GSAP: variants seen among roughly 807,000 people sequenced by gnomAD.
The protein encoded by GSAP is gamma-secretase-activating protein.
GSAP carries 118 observed loss-of-function variants against 131.7 expected under a neutral mutation model. The ratio of observed to expected loss-of-function variants is 0.90; its 90% CI spans 0.77 to 1.04. The LOEUF is 1.04. Ranked by LOEUF, GSAP falls within the 50% of genes least tolerant of loss-of-function variation. The pLI, the probability that GSAP is intolerant of heterozygous loss-of-function variation, is 0.00. For synonymous variants in GSAP, 381 were observed against 363.4 expected (o/e 1.05, Z -0.55); for missense variants, 1,019 against 1,013.2 (o/e 1.01, Z -0.08).
Position 77,341,550 on chromosome 7 carries a change from C to T in GSAP, c.1545+7801G>A, listed in dbSNP as rs979420226. ...AGGTTAATGCTCCTTTTTCTTTATC[C>T]GACCTCTCCCAAATCAGTTAGTGTT... On this transcript the variant is annotated intron_variant, in intron 19 of 30. Coordinates refer to ENST00000257626, the MANE Select transcript of GSAP (RefSeq NM_017439.4). Among the ~76,000 whole-genome samples, 7 of 152,094 alleles carry T rather than the reference C, an allele frequency of 4.6e-5. No individual in the cohort carries two copies. The East Asian group carries it at 7.7e-4, about 17-fold the overall frequency.
intron 19 of GSAP, among the ~76,000 whole-genome samples, chr7:77,343,300 GC>G (rs1392461691): frequency 2.0e-5 from 3 of 152,006 alleles, no homozygotes; most frequent in Non-Finnish European, 2.9e-5. Context: ...TATACTTTCT[GC>G]CCCCCTCCAC....
intron 5 of GSAP, 129 bp downstream of exon 5, chr7:77,396,853 T>G: frequency 1.8e-6 from 1 of 548,560 alleles, no homozygotes; most frequent in Non-Finnish European, 3.1e-6. Context: ...TGACATGACC[T>G]TTGCCTTTTA....
intron 5 of GSAP, among the ~76,000 whole-genome samples, chr7:77,395,171 A>T (rs1397490958): frequency 1.7e-5 from 2 of 118,592 alleles, no homozygotes; most frequent in African/African-American, 7.1e-5. Flanking sequence ...GGTGAACAAT[A>T]GACAGATGTA....
At chr7:77,392,218 T>A (rs1799667532) in intron 5 of GSAP, among the ~76,000 whole-genome samples, 1 of 143,390 alleles carries the variant, frequency 7.0e-6, no homozygotes, top group African/African-American at 2.7e-5. Context: ...CAAGACTCCA[T>A]CTCAGGAAAA....
rs375595494 is a variant in GSAP, at chr7:77,402,616, A to AT, written c.243+1942_243+1943insA. On this transcript the variant is annotated intron_variant, in intron 3 of 30. Transcript: ENST00000257626. ...CTCAAAAAAAAAAAAAAAAAAAAAA[A>AT]GAATTTTAAAGCCCATCTAGATTTG... is the stretch of plus-strand genomic sequence containing the variant. Among the ~76,000 whole-genome samples, 198 of 80,506 alleles carry AT rather than the reference A, an allele frequency of 2.5e-3. 30 individuals carry two copies. Among genetic ancestry groups the AT allele is most frequent in the East Asian group, 0.011 (29 of 2,654 alleles). 52.8% of individuals were successfully genotyped at this position (80,506 alleles called of 152,430 possible). A position where few individuals can be genotyped will look rare whatever the true frequency, so the allele number is the denominator to read the frequency against.
At chr7:77,371,433 T>TTTC in intron 12 of GSAP, among the ~76,000 whole-genome samples, 2 of 2,528 alleles carry the variant, frequency 7.9e-4, no homozygotes, top group African/African-American at 0.031. Context: ...TCTTTTTTCT[T>TTTC]TTTTTTTTTT....
At chr7:77,367,617 G>A (rs1238034740) in intron 12 of GSAP, among the ~76,000 whole-genome samples, 1 of 152,142 alleles carries the variant, frequency 6.6e-6, no homozygotes, top group Admixed American at 6.5e-5. Flanking sequence ...GTATTTTGAT[G>A]ATTTTTGCAT....
intron 19 of GSAP, among the ~76,000 whole-genome samples, chr7:77,337,675 C>T (rs577397705): frequency 6.6e-6 from 1 of 152,294 alleles, no homozygotes; most frequent in African/African-American, 2.4e-5. Flanking sequence ...AGGTAATCAA[C>T]AATCTCTAAC....
chr7:77,375,105 T>C lies in GSAP; in HGVS notation c.742-4A>G, dbSNP rs1796660579. 1.3e-6 allele frequency: 2 copies of C among 1,546,788 alleles called. No homozygotes were observed. Among genetic ancestry groups the C allele is most frequent in the South Asian group, 1.2e-5 (1 of 86,536 alleles). On this transcript the variant is annotated splice_polypyrimidine_tract_variant and splice_region_variant and intron_variant, in intron 10 of 30. Transcript: ENST00000257626. ...ATATGTCCAAGGGTACTTCAAACTG[T>C]CAAAAAAATCAAAGAAAATGAACCC...
intron 14 of GSAP, among the ~76,000 whole-genome samples, chr7:77,359,090 G>A (rs1422738468): frequency 6.6e-6 from 1 of 152,114 alleles, no homozygotes; most frequent in African/African-American, 2.4e-5. Flanking sequence ...GGGAGGCTGA[G>A]GCAGAGGTGG....
intron 5 of GSAP, among the ~76,000 whole-genome samples, chr7:77,395,566 T>C (rs761140314): frequency 6.6e-5 from 10 of 151,438 alleles, no homozygotes; most frequent in Non-Finnish European, 1.5e-4. Context: ...ACGGAAGGGG[T>C]TGTTCTCAGT....
At chr7:77,406,745 G>A (rs1225758397) in intron 1 of GSAP, among the ~76,000 whole-genome samples, 2 of 152,250 alleles carry the variant, frequency 1.3e-5, no homozygotes, top group Non-Finnish European at 2.9e-5. Context: ...CAGATATGGA[G>A]CTCTCTTCAC....
intron 19 of GSAP, among the ~76,000 whole-genome samples, chr7:77,334,425 G>A (rs1789632085): frequency 6.6e-6 from 1 of 151,786 alleles, no homozygotes; most frequent in Admixed American, 6.6e-5. Flanking sequence ...GCCTGTTGGG[G>A]GGTTGGGGGA....
chr7:77,312,807 T>C (rs1794550532), intron 28 of GSAP, among the ~76,000 whole-genome samples: 1 of 152,186 alleles, frequency 6.6e-6, no homozygotes, highest in African/African-American at 2.4e-5. Flanking sequence ...GGTGCAAGTG[T>C]GCAAGGCATG....
chr7:77,312,060 C>T (rs765408105), intron 29 of GSAP, 41 bp downstream of exon 29: 2 of 1,344,186 alleles, frequency 1.5e-6, no homozygotes. Flanking sequence ...CAAACAGGAT[C>T]CTAAAAACAT....
At chr7:77,351,491 T>C in intron 18 of GSAP, 4 of 976,516 alleles carry the variant, frequency 4.1e-6, no homozygotes, top group Non-Finnish European at 4.8e-6. Flanking sequence ...ATGATAAGCA[T>C]AGACTGATAG....
chr7:77,366,606 C>A (rs1367648205), intron 12 of GSAP, among the ~76,000 whole-genome samples: 1 of 152,182 alleles, frequency 6.6e-6, no homozygotes, highest in Non-Finnish European at 1.5e-5. Context: ...GTTTTGGTAA[C>A]AGTACCATAC....
intron 3 of GSAP, among the ~76,000 whole-genome samples, chr7:77,402,694 A>G (rs567602250): frequency 6.1e-4 from 93 of 151,480 alleles, no homozygotes; most frequent in South Asian, 1.7e-3. Context: ...TAAAAAAAAA[A>G]AAAAACATAT....
At chr7:77,377,258 A>AAAAAAAAAAAAAAAAAG in intron 9 of GSAP, 28 bp downstream of exon 9, 13 of 1,400,714 alleles carry the variant, frequency 9.3e-6, no homozygotes, top group South Asian at 1.8e-5. Flanking sequence ...AAAAAAAAAA[A>AAAAAAAAAAAAAAAAAG]GGAGTGCCCG....
Sources: allele counts gnomAD v4.1 joint callset (sites outside exome capture counted in the v4.1 genomes callset), GRCh38; gene constraint gnomAD v4.1.1; transcripts MANE v1.5; gene names NCBI Gene and HGNC (gene_info 2026-07-23, HGNC 2026-07-21).